EIF3H: variants seen among roughly 807,000 people sequenced by gnomAD.
EIF3H encodes the protein eukaryotic translation initiation factor 3 subunit H.
In EIF3H, 26 loss-of-function variants were observed where a neutral mutation model predicts 44.2. The observed-to-expected ratio is 0.59, with a 90% CI of 0.43 to 0.82. EIF3H has a LOEUF of 0.82. EIF3H is among the 40% of genes least tolerant of loss of function. EIF3H has a pLI of 0.00. For synonymous variants in EIF3H, 166 were observed against 151.9 expected, an observed-to-expected ratio of 1.09 and a Z score of -0.68; for missense variants, 359 against 432.8, an observed-to-expected ratio of 0.83 and a Z score of 1.51.
chr8:116,681,243 G>C (rs1207889838), intron 2 of EIF3H, among the ~76,000 whole-genome samples: 2 of 151,994 alleles, frequency 1.3e-5, no homozygotes, highest in African/African-American at 4.8e-5. Context: ...CACGCCTGTA[G>C]TCCTAGCTAT....
At chr8:116,737,871 C>T (rs1815068405) in intron 1 of EIF3H, among the ~76,000 whole-genome samples, 1 of 151,522 alleles carries the variant, frequency 6.6e-6, no homozygotes, top group African/African-American at 2.4e-5. Flanking sequence ...CCCATCTCTA[C>T]TAACATACAA....
chr8:116,693,802 CAA>C (rs1814219145), intron 2 of EIF3H, among the ~76,000 whole-genome samples: 1 of 152,104 alleles, frequency 6.6e-6, no homozygotes. Context: ...CTCAGCCTCC[CAA>C]AGAGCTGGGA....
At chr8:116,673,837 C>A (rs1002494145) in intron 2 of EIF3H, among the ~76,000 whole-genome samples, 1 of 151,902 alleles carries the variant, frequency 6.6e-6, no homozygotes, top group South Asian at 2.1e-4. Flanking sequence ...TTTGGCAGGC[C>A]GAAGCGGGCG....
intron 2 of EIF3H, among the ~76,000 whole-genome samples, chr8:116,705,886 A>T (rs1814460916): frequency 6.6e-6 from 1 of 152,092 alleles, no homozygotes; most frequent in South Asian, 2.1e-4. Flanking sequence ...TGGTTGAAGG[A>T]TATAGGGGAA....
chr8:116,763,713 G>C (rs1815541451), intron 1 of EIF3H, among the ~76,000 whole-genome samples: 1 of 152,114 alleles, frequency 6.6e-6, no homozygotes, highest in African/African-American at 2.4e-5. Context: ...TTGTTTTTGA[G>C]CTAATGAATG....
chr8:116,728,665 A>C (rs997756310), intron 1 of EIF3H, among the ~76,000 whole-genome samples: 1 of 152,152 alleles, frequency 6.6e-6, no homozygotes, highest in Admixed American at 6.5e-5. Context: ...CTACGAAATG[A>C]AAGTGCACAA....
chr8:116,680,513 A>G (rs1335393273), intron 2 of EIF3H, among the ~76,000 whole-genome samples: 1 of 79,856 alleles, frequency 1.3e-5, no homozygotes, highest in African/African-American at 4.7e-5. Context: ...GATCCTGTTG[A>G]TCTGTGACCT....
chr8:116,684,479 A>C (rs1052215172), intron 2 of EIF3H, among the ~76,000 whole-genome samples: 1 of 152,182 alleles, frequency 6.6e-6, no homozygotes, highest in Non-Finnish European at 1.5e-5. Context: ...CTTTAAAATT[A>C]CCTTGCAGCT....
At chr8:116,738,098 T>C (rs1368334444) in intron 1 of EIF3H, among the ~76,000 whole-genome samples, 3 of 152,104 alleles carry the variant, frequency 2.0e-5, no homozygotes, top group Non-Finnish European at 4.4e-5. Context: ...CATCTGCATT[T>C]TAGTTATACT....
At chr8:116,751,348 T>C (rs991259297) in intron 1 of EIF3H, among the ~76,000 whole-genome samples, 1 of 152,218 alleles carries the variant, frequency 6.6e-6, no homozygotes. Context: ...TAAAATGGAA[T>C]ACATACTCAT....
chr8:116,677,904 T>TA lies in EIF3H; in HGVS notation c.290-18925dup, dbSNP rs891279616. Among the ~76,000 whole-genome samples the TA allele has an allele frequency of 7.9e-5, 12 of 152,318 alleles. 1 individual carries two copies. Among genetic ancestry groups the TA allele is most frequent in the African/African-American group, 2.6e-4 (11 of 41,582 alleles). On this transcript the variant is annotated intron_variant, in intron 2 of 7. Coordinates refer to ENST00000521861, the MANE Select transcript of EIF3H (RefSeq NM_003756.3). ...GGTTACCAAAAACTATGTATACTAA[T>TA]AAAAAAATCAGAAATTACCTAACAG...
chr8:116,742,642 C>G (rs528246066), intron 1 of EIF3H, among the ~76,000 whole-genome samples: 4 of 152,278 alleles, frequency 2.6e-5, no homozygotes, highest in Non-Finnish European at 5.9e-5. Context: ...GATTCAGGAG[C>G]ACTGGCCACT....
chr8:116,755,072 T>C (rs1815417081), intron 1 of EIF3H, among the ~76,000 whole-genome samples: 1 of 152,190 alleles, frequency 6.6e-6, no homozygotes, highest in Non-Finnish European at 1.5e-5. Context: ...TATCAAGAAT[T>C]TCCTTGGATG....
At chr8:116,659,009 G>A (rs1458728228) in intron 2 of EIF3H, 29 bp from the exon 3 acceptor site, 5 of 1,556,602 alleles carry the variant, frequency 3.2e-6, no homozygotes, top group Admixed American at 4.1e-5. Context: ...GAAATTAAAA[G>A]AAAAAACTTT....
chr8:116,668,745 G>C (rs573677118), intron 2 of EIF3H, among the ~76,000 whole-genome samples: 1 of 152,110 alleles, frequency 6.6e-6, no homozygotes, highest in African/African-American at 2.4e-5. Context: ...TGGGCAGCGG[G>C]GGGTGGGCAC....
rs1488815653 is a variant in EIF3H, at chr8:116,752,791, GGGAGGGAAGGAA to G, written c.132+2863_132+2874del. Among the ~76,000 whole-genome samples the G allele has an allele frequency of 5.6e-3, 402 of 71,522 alleles. 27 individuals carry two copies. The highest frequency in any genetic ancestry group is 0.021 in the African/African-American group (280 of 13,642). 46.9% of individuals were successfully genotyped at this position (71,522 alleles called of 152,430 possible). On this transcript the variant is annotated intron_variant, in intron 1 of 7. Coordinates refer to ENST00000521861, the MANE Select transcript of EIF3H (RefSeq NM_003756.3). ...AGGGAGGGAGGGAGGGAGGGAGGGA[GGGAGGGAAGGAA>G]GGAAGGAAGGAAGGAAGGAAGGAAG...
chr8:116,720,611 G>A (rs1435427713), intron 2 of EIF3H, among the ~76,000 whole-genome samples: 2 of 152,214 alleles, frequency 1.3e-5, no homozygotes, highest in East Asian at 1.9e-4. Context: ...AACAGGCAGA[G>A]GCTGAAACAG....
At chr8:116,734,473 G>GTTAT in intron 1 of EIF3H, 1 of 440,538 alleles carries the variant, frequency 2.3e-6, no homozygotes, top group Non-Finnish European at 4.5e-6. Context: ...GCCTCTAGAT[G>GTTAT]GATAAGCACT....
At chr8:116,671,380 G>A (rs1305869435) in intron 2 of EIF3H, among the ~76,000 whole-genome samples, 1 of 152,088 alleles carries the variant, frequency 6.6e-6, no homozygotes, top group African/African-American at 2.4e-5. Context: ...ATGTTTCAAA[G>A]CATCTCAAAC....
Sources: gnomAD v4.1 joint callset for allele counts (sites outside exome capture counted in the v4.1 genomes callset) on GRCh38, gnomAD v4.1.1 for gene constraint, MANE v1.5 for transcripts, NCBI Gene and HGNC (gene_info 2026-07-23, HGNC 2026-07-21) for gene names.